The following PLXNA2 variants were observed in gnomAD, a reference collection of about 807,000 sequenced individuals.
PLXNA2 encodes the protein plexin-A2.
Under a neutral mutation model 193.5 loss-of-function variants are expected in PLXNA2, and 91 were observed. The observed-to-expected ratio is 0.47, with a 90% confidence interval of 0.40 to 0.56. The LOEUF is 0.56. Among genes scored for constraint, PLXNA2 ranks in the 20% least tolerant of loss-of-function variants. The pLI is 0.00. For synonymous variants in PLXNA2, 997 were observed against 1,027.3 expected (o/e 0.97, Z 0.56); for missense variants, 1,995 against 2,503.2 (o/e 0.80, Z 4.33).
intron 11 of PLXNA2, among the ~76,000 whole-genome samples, chr1:208,080,500 C>T (rs1666300079): frequency 6.6e-6 from 1 of 152,116 alleles, no homozygotes; most frequent in Admixed American, 6.5e-5. Context: ...TGGTCAAGCA[C>T]ATGTAAGCTT....
intron 4 of PLXNA2, among the ~76,000 whole-genome samples, chr1:208,109,061 A>G (rs1467687347): frequency 6.6e-6 from 1 of 152,190 alleles, no homozygotes; most frequent in East Asian, 1.9e-4. Flanking sequence ...GCCAGATGGT[A>G]CACCTGTCCT....
At position 208,027,111 on chromosome 1, in the gene PLXNA2, C is replaced by T. The variant is rs959094400; in HGVS notation, c.*132G>A. On this transcript the variant is annotated 3_prime_UTR_variant, in exon 32 of 32. Coordinates refer to ENST00000367033, the MANE Select transcript of PLXNA2 (RefSeq NM_025179.4). ...CTGGCGTAGGGAGAGGAGTCCTCCCCTCTCCCCAGGATGGGGTCTCAGGGG... is the reference window on the plus strand; with the variant it reads ...CTGGCGTAGGGAGAGGAGTCCTCCCTTCTCCCCAGGATGGGGTCTCAGGGG... 4.9e-6 allele frequency: 4 copies of T among 821,954 alleles called. No individual in the cohort carries two copies. Among genetic ancestry groups the T allele is most frequent in the South Asian group, 1.6e-5 (1 of 61,560 alleles). 50.9% of individuals were successfully genotyped at this position (821,954 alleles called of 1,614,324 possible).
chr1:208,106,086 T>G (rs1287658084), intron 4 of PLXNA2, among the ~76,000 whole-genome samples: 9 of 133,834 alleles, frequency 6.7e-5, no homozygotes, highest in Non-Finnish European at 1.5e-4. Context: ...TTTTTTTTAA[T>G]GCACTGAGTT....
At chr1:208,048,453 T>G (rs1665149318) in intron 17 of PLXNA2, among the ~76,000 whole-genome samples, 2 of 152,192 alleles carry the variant, frequency 1.3e-5, no homozygotes, top group Admixed American at 1.3e-4. Flanking sequence ...CATCCTTCCC[T>G]CTGGGTCTGC....
chr1:208,045,189 C>G lies in PLXNA2; in HGVS notation c.3517G>C (p.Ala1173Pro), dbSNP rs1665018847. The G allele has an allele frequency of 6.2e-7, 1 of 1,614,024 alleles. No homozygotes were observed. Among genetic ancestry groups the G allele is most frequent in the Admixed American group, 1.7e-5 (1 of 60,004 alleles). ...ILKGKNLCPP[A>P]SGGAKLNYTV... ...TAGTTGAGTTTGGCCCCTCCAGAGG[C>G]AGGAGGGCAGAGGTTTTTGCCCTGT... is the stretch of plus-strand genomic sequence containing the variant. The change falls in exon 19 of 32, where the codon GCC becomes CCC. Residue 1173 changes from alanine to proline, a missense_variant. Around this residue, in one of 3 missense-constraint regions of PLXNA2, gnomAD observed 1,291 missense variants for 1,673.6 expected, o/e 0.77. Transcript: ENST00000367033.
intron 4 of PLXNA2, among the ~76,000 whole-genome samples, chr1:208,136,856 A>G (rs1668315902): frequency 6.6e-6 from 1 of 152,228 alleles, no homozygotes; most frequent in South Asian, 2.1e-4. Flanking sequence ...AGAAGTTCTA[A>G]GACTACTACT....
At chr1:208,090,731 T>C (rs74152191) in intron 9 of PLXNA2, among the ~76,000 whole-genome samples, 1,625 of 152,316 alleles carry the variant, frequency 0.011, 39 homozygotes, top group African/African-American at 0.037. Flanking sequence ...TTGTACTTCA[T>C]CCAATCTCTC....
chr1:208,093,433 C>T (rs902840358), intron 8 of PLXNA2, among the ~76,000 whole-genome samples: 5 of 152,198 alleles, frequency 3.3e-5, no homozygotes, highest in African/African-American at 1.2e-4. Flanking sequence ...TCACTTCACC[C>T]TCTGAATTGG....
At chr1:208,168,834 G>A (rs1175473455) in intron 3 of PLXNA2, among the ~76,000 whole-genome samples, 1 of 143,280 alleles carries the variant, frequency 7.0e-6, no homozygotes, top group Non-Finnish European at 1.5e-5. Context: ...TGCTATCCCA[G>A]TGAGACCCAA....
chr1:208,239,949 G>C (rs186815599), intron 1 of PLXNA2, among the ~76,000 whole-genome samples: 6 of 152,284 alleles, frequency 3.9e-5, no homozygotes, highest in East Asian at 1.9e-4. Context: ...TGGGGTGAAG[G>C]GGGGTATGGG....
chr1:208,114,222 A>G (rs1438911629), intron 4 of PLXNA2, among the ~76,000 whole-genome samples: 1 of 152,106 alleles, frequency 6.6e-6, no homozygotes. Context: ...TGCTGTTGGC[A>G]TTTGTGGTTA....
Position 208,048,593 on chromosome 1 carries a change from A to G in PLXNA2, c.3255+2416T>C, listed in dbSNP as rs529809635. ...TGGGGCTGGAGGAAGCGCTGAGAAC[A>G]TTCCTGCCCAGTACTGTAAATGAGT... On this transcript the variant is annotated intron_variant, in intron 17 of 31. Coordinates refer to ENST00000367033, the MANE Select transcript of PLXNA2 (RefSeq NM_025179.4). Among the ~76,000 whole-genome samples, 216 of 152,284 alleles carry G rather than the reference A, an allele frequency of 1.4e-3. 1 individual carries two copies. Among genetic ancestry groups the G allele is most frequent in the Non-Finnish European group, 2.7e-3 (184 of 68,026 alleles).
chr1:208,051,463 G>A lies in PLXNA2; in HGVS notation c.2994-40C>T, dbSNP rs113182887. The A allele has an allele frequency of 6.4e-4, 1,014 of 1,576,242 alleles. 1 individual carries two copies. Among genetic ancestry groups the A allele is most frequent in the Non-Finnish European group, 8.0e-4 (923 of 1,160,244 alleles). On this transcript the variant is annotated intron_variant, in intron 15 of 31. Transcript: ENST00000367033. Reference sequence around the variant, plus strand: ...GCAGGAGGGTTGAGAAGAAAGGCATGGGCAACAAGAGGTGCCCACTGGCTT... The same window carrying A: ...GCAGGAGGGTTGAGAAGAAAGGCATAGGCAACAAGAGGTGCCCACTGGCTT...
chr1:208,029,140 C>T (rs985935386), intron 29 of PLXNA2, 98 bp from the exon 30 acceptor site: 4 of 1,544,218 alleles, frequency 2.6e-6, no homozygotes, highest in Non-Finnish European at 3.5e-6. Context: ...AATTGTCCAC[C>T]TGAAGGGGCA....
intron 2 of PLXNA2, among the ~76,000 whole-genome samples, chr1:208,212,518 G>A (rs1670995845): frequency 6.6e-6 from 1 of 152,222 alleles, no homozygotes; most frequent in African/African-American, 2.4e-5. Context: ...TTCTCAGGAA[G>A]GGAGTGAAGC....
intron 2 of PLXNA2, among the ~76,000 whole-genome samples, chr1:208,211,624 C>T (rs1228722421): frequency 1.3e-5 from 2 of 148,874 alleles, no homozygotes; most frequent in African/African-American, 2.5e-5. Flanking sequence ...ACCCAGGAGG[C>T]GGAGGTTGCA....
chr1:208,208,439 G>T (rs1670810674), intron 3 of PLXNA2, among the ~76,000 whole-genome samples: 1 of 152,234 alleles, frequency 6.6e-6, no homozygotes, highest in Admixed American at 6.5e-5. Context: ...CAAATAATGA[G>T]AGTATTGGGC....
At chr1:208,199,416 G>T (rs369059959) in intron 3 of PLXNA2, among the ~76,000 whole-genome samples, 2 of 152,230 alleles carry the variant, frequency 1.3e-5, no homozygotes, top group African/African-American at 2.4e-5. Flanking sequence ...CTTTAGGCCG[G>T]GCGCAGTGGC....
At chr1:208,212,254 T>A (rs1463337123) in intron 2 of PLXNA2, among the ~76,000 whole-genome samples, 1 of 152,194 alleles carries the variant, frequency 6.6e-6, no homozygotes, top group Non-Finnish European at 1.5e-5. Context: ...AATTGGTTTA[T>A]AAGTTATGGC....
Sources: allele counts gnomAD v4.1 joint callset (sites outside exome capture counted in the v4.1 genomes callset), GRCh38; gene constraint gnomAD v4.1.1; regional missense constraint gnomAD v4.1.1; transcripts MANE v1.5; gene names NCBI Gene and HGNC (gene_info 2026-07-23, HGNC 2026-07-21).